Variants in FABP7 observed in about 807,000 individuals in gnomAD.
The protein encoded by FABP7 is fatty acid binding protein 7, also known as fatty acid-binding protein, brain.
Under a neutral mutation model 14.2 loss-of-function variants are expected in FABP7, and 13 were observed. The ratio of observed to expected loss-of-function variants is 0.91; its 90% CI spans 0.59 to 1.45. FABP7 has a LOEUF of 1.45. FABP7 is among the 40% of genes most tolerant of loss of function. The pLI, the probability that FABP7 is intolerant of heterozygous loss-of-function variation, is 0.00. For missense variants in FABP7, 149 were observed against 157.6 expected (o/e 0.95, Z 0.29); for synonymous variants, 49 against 51.4 (o/e 0.95, Z 0.20).
chr6:122,783,369 C>G, intron 3 of FABP7: 1 of 984,692 alleles, frequency 1.0e-6, no homozygotes, highest in Non-Finnish European at 1.2e-6. Flanking sequence ...TTATGTAAAC[C>G]TATTATAAAA....
chr6:122,756,079 T>A, the FABP7 span, among the ~76,000 whole-genome samples: 3 of 152,140 alleles, frequency 2.0e-5, no homozygotes, highest in African/African-American at 7.2e-5. Context: ...CGCTCCCCCC[T>A]TTCCCCTCCT....
At chr6:122,780,231 T>C in intron 1 of FABP7, 60 bp from the exon 2 acceptor site, 1 of 1,550,056 alleles carries the variant, frequency 6.5e-7, no homozygotes, top group Non-Finnish European at 8.9e-7. Flanking sequence ...AAGCAGATTC[T>C]TGCTTTGTGA....
At chr6:122,750,557 C>T in the FABP7 span, among the ~76,000 whole-genome samples, 1 of 152,076 alleles carries the variant, frequency 6.6e-6, no homozygotes, top group Non-Finnish European at 1.5e-5. Flanking sequence ...CTTATGAAAC[C>T]ATAGTGTTTG....
At chr6:122,778,921 A>G (rs75870667), upstream of FABP7, among the ~76,000 whole-genome samples, 7 of 152,174 alleles carry the variant, frequency 4.6e-5, no homozygotes, top group Non-Finnish European at 7.3e-5. Context: ...AATCTATTCA[A>G]GGAGATCGGG....
At chr6:122,773,936 C>T in the FABP7 span, among the ~76,000 whole-genome samples, 229 of 151,284 alleles carry the variant, frequency 1.5e-3, 2 homozygotes, top group African/African-American at 5.2e-3. Flanking sequence ...ACCATTAGTG[C>T]CACTAGTTAA....
upstream of FABP7, among the ~76,000 whole-genome samples, chr6:122,777,397 GC>G (rs1341207396): frequency 1.3e-5 from 2 of 151,930 alleles, no homozygotes; most frequent in Non-Finnish European, 2.9e-5. Context: ...AGGGATGCCC[GC>G]CTCAAAAAAA....
At chr6:122,768,356 T>C in the FABP7 span, among the ~76,000 whole-genome samples, 1 of 152,154 alleles carries the variant, frequency 6.6e-6, no homozygotes, top group African/African-American at 2.4e-5. Context: ...TCAAACTATG[T>C]GCCCAAAATA....
chr6:122,775,359 A>T (rs1412914636), upstream of FABP7, among the ~76,000 whole-genome samples: 1 of 151,980 alleles, frequency 6.6e-6, no homozygotes, highest in Non-Finnish European at 1.5e-5. Flanking sequence ...AAAAGTTTTT[A>T]TATTTACAGA....
the FABP7 span, among the ~76,000 whole-genome samples, chr6:122,752,010 C>T: frequency 1.3e-5 from 2 of 152,224 alleles, no homozygotes; most frequent in East Asian, 1.9e-4. Flanking sequence ...CCCTGGGTCC[C>T]CAAACCCAAA....
chr6:122,781,990 C>T (rs1780801061), intron 3 of FABP7: 3 of 859,444 alleles, frequency 3.5e-6, no homozygotes, highest in Middle Eastern at 5.8e-4. Context: ...AGTGATGCTC[C>T]CGCCTGCTGC....
upstream of FABP7, among the ~76,000 whole-genome samples, chr6:122,775,211 G>T (rs1780650567): frequency 6.6e-6 from 1 of 151,806 alleles, no homozygotes; most frequent in Non-Finnish European, 1.5e-5. Flanking sequence ...TAAGTAAAAA[G>T]AACAAAGCAA....
chr6:122,772,539 A>T, the FABP7 span, among the ~76,000 whole-genome samples: 27 of 152,154 alleles, frequency 1.8e-4, no homozygotes, highest in African/African-American at 6.5e-4. Context: ...TGCCTCAGCC[A>T]CCTGAGTAAT....
the FABP7 span, among the ~76,000 whole-genome samples, chr6:122,766,822 G>A: frequency 2.6e-5 from 4 of 152,060 alleles, no homozygotes; most frequent in East Asian, 1.9e-4. Flanking sequence ...AAACTGGAAA[G>A]GAGGAAATTA....
At chr6:122,758,854 T>A in the FABP7 span, among the ~76,000 whole-genome samples, 1 of 152,334 alleles carries the variant, frequency 6.6e-6, no homozygotes, top group Non-Finnish European at 1.5e-5. Flanking sequence ...TATACATATA[T>A]CAGGTTGTCA....
chr6:122,780,172 T>C, intron 1 of FABP7, 119 bp from the exon 2 acceptor site: 1 of 1,101,838 alleles, frequency 9.1e-7, no homozygotes, highest in South Asian at 1.4e-5. Context: ...AATGGGCTAA[T>C]CATGTTCTAA....
chr6:122,763,281 A>G, the FABP7 span, among the ~76,000 whole-genome samples: 9 of 152,234 alleles, frequency 5.9e-5, no homozygotes, highest in Non-Finnish European at 1.3e-4. Context: ...AAAAACAAGA[A>G]ATGGGGAAAG....
intron 3 of FABP7, chr6:122,781,790 G>A: frequency 1.3e-6 from 1 of 779,750 alleles, no homozygotes; most frequent in Non-Finnish European, 1.5e-6. Context: ...ACCCAGACTG[G>A]AGTGCAGGGG....
the FABP7 span, among the ~76,000 whole-genome samples, chr6:122,750,159 T>C: frequency 6.6e-6 from 1 of 152,300 alleles, no homozygotes; most frequent in Admixed American, 6.5e-5. Context: ...TAATAACTAA[T>C]GTTGAATATT....
chr6:122,759,670 T>G, the FABP7 span, among the ~76,000 whole-genome samples: 1 of 152,340 alleles, frequency 6.6e-6, no homozygotes, highest in South Asian at 2.1e-4. Flanking sequence ...TTAAATTAGT[T>G]AATTTTATAT....
Sources: allele counts gnomAD v4.1 joint callset (sites outside exome capture counted in the v4.1 genomes callset), GRCh38; gene constraint gnomAD v4.1.1; transcripts MANE v1.5; gene names NCBI Gene and HGNC (gene_info 2026-07-23, HGNC 2026-07-21).